The following RFTN2 variants were observed in gnomAD, a reference collection of about 807,000 sequenced individuals.
The protein encoded by RFTN2 is raftlin-2.
RFTN2 carries 34 observed loss-of-function variants against 52.7 expected under a neutral mutation model. The observed-to-expected ratio is 0.64, with a 90% CI of 0.49 to 0.86. The LOEUF (loss-of-function observed/expected upper bound fraction) is 0.86. RFTN2 is among the 40% of genes least tolerant of loss of function. RFTN2 has a pLI of 0.00. For missense variants in RFTN2, 536 were observed against 600.1 expected, an observed-to-expected ratio of 0.89 and a Z score of 1.12; for synonymous variants, 203 against 217.7, an observed-to-expected ratio of 0.93 and a Z score of 0.59.
rs971847593 is a variant in RFTN2, at chr2:197,570,992, G to C, written c.*1016C>G. ...TGTAGAATTTTAAAGATTGTTAAAG[G>C]CTGGGTCAAGGCAAAGCCACCTCTA... is the stretch of plus-strand genomic sequence containing the variant. On this transcript the variant is annotated 3_prime_UTR_variant, in exon 9 of 9. Transcript: ENST00000295049. 7 of 152,230 alleles carry C rather than the reference G, an allele frequency of 4.6e-5. No individual in the cohort carries two copies. The highest frequency in any genetic ancestry group is 7.4e-5 in the Non-Finnish European group (5 of 68,026). 9.4% of individuals were successfully genotyped at this position (152,230 alleles called of 1,614,324 possible). A position where few individuals can be genotyped will look rare whatever the true frequency, so the allele number is the denominator to read the frequency against.
intron 1 of RFTN2, among the ~76,000 whole-genome samples, chr2:197,664,745 A>G (rs1291575026): frequency 6.6e-6 from 1 of 152,158 alleles, no homozygotes; most frequent in East Asian, 1.9e-4. Context: ...TGATTGTGCC[A>G]CTGCACTCCA....
chr2:197,669,272 A>G (rs1290883296), intron 1 of RFTN2, among the ~76,000 whole-genome samples: 1 of 151,650 alleles, frequency 6.6e-6, no homozygotes, highest in Non-Finnish European at 1.5e-5. Flanking sequence ...ATTCTGTTTT[A>G]TTTTCAGTTT....
At chr2:197,597,941 CCATT>C (rs1258996836) in intron 7 of RFTN2, among the ~76,000 whole-genome samples, 1 of 152,164 alleles carries the variant, frequency 6.6e-6, no homozygotes, top group East Asian at 1.9e-4. Flanking sequence ...TTCCACTTTT[CCATT>C]CATTTAGTGA....
At chr2:197,579,094 C>T (rs772536425) in intron 8 of RFTN2, among the ~76,000 whole-genome samples, 11 of 152,168 alleles carry the variant, frequency 7.2e-5, no homozygotes, top group Non-Finnish European at 5.9e-5. Context: ...AAAACTCTGG[C>T]GCCGGTCACA....
At chr2:197,675,248 A>T in intron 1 of RFTN2, 72 bp downstream of exon 1, 1 of 1,221,656 alleles carries the variant, frequency 8.2e-7, no homozygotes, top group South Asian at 1.8e-5. Context: ...AAATTTATTA[A>T]GTCAACACTT....
rs1450753017 is a variant in RFTN2, at chr2:197,617,941, A to G, written c.929-20T>C. ...GTTCCCCTGTGAGGAAGAGGGTACA[A>G]TTAAGAAGGGTTGTAAATACTAAGT... On this transcript the variant is annotated intron_variant, in intron 5 of 8. Transcript: ENST00000295049. 1.3e-6 allele frequency: 2 copies of G among 1,580,798 alleles called. No individual in the cohort carries two copies. Among genetic ancestry groups the G allele is most frequent in the Admixed American group, 3.5e-5 (2 of 56,616 alleles).
intron 1 of RFTN2, among the ~76,000 whole-genome samples, chr2:197,661,829 A>G (rs1246122771): frequency 6.6e-6 from 1 of 152,170 alleles, no homozygotes; most frequent in Non-Finnish European, 1.5e-5. Flanking sequence ...AGTAACAGCC[A>G]TTCTAACTGG....
At chr2:197,609,827 T>C (rs1270789922) in intron 7 of RFTN2, among the ~76,000 whole-genome samples, 1 of 152,242 alleles carries the variant, frequency 6.6e-6, no homozygotes, top group African/African-American at 2.4e-5. Context: ...GTTTCAGCTT[T>C]CTGCATATGG....
intron 4 of RFTN2, among the ~76,000 whole-genome samples, chr2:197,633,360 T>C (rs2088497081): frequency 6.6e-6 from 1 of 152,196 alleles, no homozygotes; most frequent in Non-Finnish European, 1.5e-5. Flanking sequence ...ACATGCTGTT[T>C]ATTAGTACAA....
intron 3 of RFTN2, among the ~76,000 whole-genome samples, chr2:197,642,722 A>C (rs961855528): frequency 6.6e-6 from 1 of 152,136 alleles, no homozygotes; most frequent in Non-Finnish European, 1.5e-5. Context: ...GGTGGCTCAC[A>C]CCTGTGATCC....
At chr2:197,628,951 T>G (rs536543878) in intron 5 of RFTN2, among the ~76,000 whole-genome samples, 29 of 152,348 alleles carry the variant, frequency 1.9e-4, no homozygotes, top group African/African-American at 7.0e-4. Context: ...AAAGCCCATG[T>G]CCTTCCTATG....
intron 7 of RFTN2, among the ~76,000 whole-genome samples, chr2:197,603,632 T>G (rs1215516389): frequency 6.6e-6 from 1 of 152,112 alleles, no homozygotes; most frequent in African/African-American, 2.4e-5. Context: ...AATAGAACTT[T>G]AGGCCGGGTG....
At chr2:197,630,990 T>TA (rs1178116777) in intron 5 of RFTN2, 21 bp downstream of exon 5, 1 of 1,474,586 alleles carries the variant, frequency 6.8e-7, no homozygotes, top group African/African-American at 1.4e-5. Context: ...AGATATAAAA[T>TA]ATCATTAACA....
chr2:197,618,419 A>G lies in RFTN2; in HGVS notation c.929-498T>C, dbSNP rs7587966. 6.9e-4 allele frequency among the ~76,000 whole-genome samples: 104 copies of G among 150,082 alleles called. 1 individual carries two copies. In the South Asian group the frequency reaches 0.018, roughly 26 times the overall value. ...GGTGCCCAGGCTGGAGTGCAGTGGC[A>G]TGATCTCGGCTCGCTACAACCTCCA... On this transcript the variant is annotated intron_variant, in intron 5 of 8. Transcript: ENST00000295049.
chr2:197,584,557 G>C (rs1350077347), intron 8 of RFTN2, among the ~76,000 whole-genome samples: 1 of 152,134 alleles, frequency 6.6e-6, no homozygotes, highest in Admixed American at 6.5e-5. Context: ...CCACTCTGTA[G>C]GTTGCCTGTT....
At chr2:197,652,974 A>T (rs1472713732) in intron 1 of RFTN2, among the ~76,000 whole-genome samples, 1 of 152,238 alleles carries the variant, frequency 6.6e-6, no homozygotes, top group African/African-American at 2.4e-5. Flanking sequence ...TTACCTCCAA[A>T]GGCAGGAGGC....
At chr2:197,643,534 C>T (rs757108271) in intron 3 of RFTN2, among the ~76,000 whole-genome samples, 1 of 152,132 alleles carries the variant, frequency 6.6e-6, no homozygotes, top group African/African-American at 2.4e-5. Context: ...TAATTATTGA[C>T]GTTTCTTTCT....
chr2:197,594,766 G>A (rs939085773), intron 8 of RFTN2, among the ~76,000 whole-genome samples: 3 of 152,096 alleles, frequency 2.0e-5, no homozygotes, highest in South Asian at 2.1e-4. Flanking sequence ...CTGCCTCTCC[G>A]TCTTCCCAAC....
intron 5 of RFTN2, among the ~76,000 whole-genome samples, chr2:197,624,513 G>A (rs2088320582): frequency 6.6e-6 from 1 of 151,092 alleles, no homozygotes; most frequent in Admixed American, 6.6e-5. Context: ...CAGGAGAATG[G>A]CGTGAACCCG....
Sources: allele counts gnomAD v4.1 joint callset (sites outside exome capture counted in the v4.1 genomes callset), GRCh38; gene constraint gnomAD v4.1.1; transcripts MANE v1.5; gene names NCBI Gene and HGNC (gene_info 2026-07-23, HGNC 2026-07-21).